The following FBN1 variants were observed in gnomAD, a reference collection of about 807,000 sequenced individuals.
FBN1 encodes fibrillin-1.
In FBN1, 29 loss-of-function variants were observed where a neutral mutation model predicts 365.1. The observed-to-expected ratio is 0.08, with a 90% CI of 0.06 to 0.11. The LOEUF (loss-of-function observed/expected upper bound fraction) is 0.11. FBN1 is among the 10% of genes least tolerant of loss of function. The probability of loss-of-function intolerance (pLI) is 1.00; values close to 1 mark genes in which losing one functional copy is unlikely to be tolerated. For missense variants in FBN1, 2,476 were observed against 3,703.2 expected, an observed-to-expected ratio of 0.67 and a Z score of 8.60; for synonymous variants, 1,210 against 1,270.5, an observed-to-expected ratio of 0.95 and a Z score of 1.01.
At chr15:48,634,712 T>C (rs1338127730) in intron 2 of FBN1, among the ~76,000 whole-genome samples, 2 of 151,788 alleles carry the variant, frequency 1.3e-5, no homozygotes, top group African/African-American at 4.8e-5. Flanking sequence ...CCTATTTTAT[T>C]TGCAGCACAG....
chr15:48,525,964 G>A (rs1174916846), intron 9 of FBN1, among the ~76,000 whole-genome samples, 166 bp downstream of exon 9: 1 of 152,132 alleles, frequency 6.6e-6, no homozygotes, highest in Non-Finnish European at 1.5e-5. Context: ...ACCACAAGGT[G>A]CCTCTGTTCT....
intron 6 of FBN1, among the ~76,000 whole-genome samples, chr15:48,569,746 T>C (rs1206951390): frequency 6.6e-6 from 1 of 152,196 alleles, no homozygotes; most frequent in East Asian, 1.9e-4. Flanking sequence ...AGAAAAGGCA[T>C]ATCTATAGAG....
rs528822556 is a variant in FBN1 at position 48,480,798 on chromosome 15, AT to A, written c.3964+856del. Among the ~76,000 whole-genome samples the A allele has an allele frequency of 1.7e-4, 26 of 152,288 alleles. No homozygotes were observed. In the East Asian group the frequency reaches 5.0e-3, roughly 29 times the overall value. On this transcript the variant is annotated intron_variant, in intron 32 of 65. Coordinates refer to ENST00000316623, the MANE Select transcript of FBN1 (RefSeq NM_000138.5). ...TTTTTGGAATTAAAGACTGTTATTTATTAAGAAATTATTCAGTTACCTAATT... is the reference window on the plus strand; with the variant it reads ...TTTTTGGAATTAAAGACTGTTATTTATAAGAAATTATTCAGTTACCTAATT...
chr15:48,421,310 G>A (rs529368752), intron 62 of FBN1, among the ~76,000 whole-genome samples: 1 of 152,014 alleles, frequency 6.6e-6, no homozygotes, highest in South Asian at 2.1e-4. Flanking sequence ...TTCCCTATTA[G>A]GTTAAATTAA....
intron 13 of FBN1, among the ~76,000 whole-genome samples, chr15:48,510,382 G>C (rs1245566459): frequency 6.6e-6 from 1 of 152,130 alleles, no homozygotes; most frequent in African/African-American, 2.4e-5. Context: ...AATGGCATTA[G>C]ATGTAACTCT....
intron 4 of FBN1, among the ~76,000 whole-genome samples, chr15:48,610,323 TTAAA>T (rs1418683068): frequency 1.3e-5 from 2 of 152,214 alleles, no homozygotes; most frequent in East Asian, 1.9e-4. Context: ...GTCTTGAGTC[TTAAA>T]TAAGTTTTTA....
At chr15:48,522,003 C>T (rs1194315935) in intron 9 of FBN1, among the ~76,000 whole-genome samples, 1 of 152,170 alleles carries the variant, frequency 6.6e-6, no homozygotes, top group Non-Finnish European at 1.5e-5. Context: ...GGCATTACTG[C>T]CTGAGCCCTG....
intron 8 of FBN1, among the ~76,000 whole-genome samples, chr15:48,532,573 G>A (rs918037126): frequency 6.6e-6 from 1 of 151,668 alleles, no homozygotes; most frequent in Non-Finnish European, 1.5e-5. Flanking sequence ...CTAGGAAAGA[G>A]GACAATGTAA....
At chr15:48,445,653 A>C in intron 47 of FBN1, 149 bp from the exon 48 acceptor site, 1 of 769,926 alleles carries the variant, frequency 1.3e-6, no homozygotes, top group Admixed American at 2.1e-5. Flanking sequence ...ATGAAGATCT[A>C]GTTTGCAACA....
At chr15:48,544,218 A>G (rs1471045442) in intron 6 of FBN1, among the ~76,000 whole-genome samples, 1 of 152,108 alleles carries the variant, frequency 6.6e-6, no homozygotes, top group Non-Finnish European at 1.5e-5. Flanking sequence ...AAATGACACA[A>G]TAAGGTTTGA....
intron 8 of FBN1, among the ~76,000 whole-genome samples, chr15:48,532,441 T>C (rs576716874): frequency 2.0e-5 from 3 of 152,252 alleles, no homozygotes; most frequent in South Asian, 2.1e-4. Flanking sequence ...TATATAGATA[T>C]ATGTGTGTCT....
At chr15:48,624,094 G>A (rs1597640224) in intron 2 of FBN1, among the ~76,000 whole-genome samples, 1 of 151,918 alleles carries the variant, frequency 6.6e-6, no homozygotes. Context: ...AATCCTATTG[G>A]AATCTTTTAT....
At chr15:48,473,493 CT>C (rs1351252199) in intron 34 of FBN1, among the ~76,000 whole-genome samples, 1 of 152,082 alleles carries the variant, frequency 6.6e-6, no homozygotes, top group East Asian at 1.9e-4. Flanking sequence ...AATGACAAGT[CT>C]AATCATGTAT....
intron 2 of FBN1, among the ~76,000 whole-genome samples, chr15:48,630,164 A>C (rs12324757): frequency 0.12 from 18,050 of 152,184 alleles, 3,249 homozygotes; most frequent in African/African-American, 0.39. Context: ...GACATGATTC[A>C]TTTTCATAAA....
intron 12 of FBN1, among the ~76,000 whole-genome samples, chr15:48,515,126 C>T (rs2043789857): frequency 6.6e-6 from 1 of 152,186 alleles, no homozygotes; most frequent in Non-Finnish European, 1.5e-5. Flanking sequence ...ACACAGGCAG[C>T]TGCTAGTAGC....
intron 9 of FBN1, among the ~76,000 whole-genome samples, chr15:48,525,758 G>C (rs115712347): frequency 0.012 from 1,843 of 152,302 alleles, 45 homozygotes; most frequent in African/African-American, 0.043. Context: ...CCAATTAAGA[G>C]ATTATTGAAA....
Position 48,503,936 on chromosome 15 carries a change from G to C in FBN1, c.1964C>G (p.Thr655Arg), listed in dbSNP as rs779915218. The C allele has an allele frequency of 6.2e-7, 1 of 1,614,146 alleles. No homozygotes were observed. The highest frequency in any genetic ancestry group is 8.5e-7 in the Non-Finnish European group (1 of 1,180,036). The change falls in exon 17 of 66, where the codon ACA becomes AGA. Residue 655 changes from threonine (T) to arginine (R), a missense_variant. By Grantham distance (71) the Thr-to-Arg change is moderately conservative (BLOSUM62 -1). Coordinates refer to ENST00000316623, the MANE Select transcript of FBN1 (RefSeq NM_000138.5). The stretch of plus-strand genomic sequence containing the variant: ...ACCATAGCATGTGCTCCGCATGTGT[G>C]TGTCTAAACAGGAAGAAGCATCTGT... ...VGLDGRVCVDTHMRSTCYGGY... is the reference protein window; with the variant it reads ...VGLDGRVCVDRHMRSTCYGGY...
In FBN1 at chr15:48,553,301, T is replaced by TA. The variant is rs988020958; in HGVS notation, c.539-15494dup. On this transcript the variant is annotated intron_variant, in intron 6 of 65. Coordinates refer to ENST00000316623, the MANE Select transcript of FBN1 (RefSeq NM_000138.5). ...ATTTGATTGCTTACCATAACAATCA[T>TA]AAAAATATAAACAGAGTGGACACAT... Among the ~76,000 whole-genome samples the TA allele has an allele frequency of 1.9e-4, 29 of 152,252 alleles. No homozygotes were observed. In the South Asian group the frequency reaches 2.1e-3, roughly 11 times the overall value.
At chr15:48,570,416 A>G (rs2044297466) in intron 6 of FBN1, among the ~76,000 whole-genome samples, 1 of 152,056 alleles carries the variant, frequency 6.6e-6, no homozygotes, top group African/African-American at 2.4e-5. Context: ...ACATAAATAC[A>G]CATGCAAAAA....
Sources: gnomAD v4.1 joint callset for allele counts (sites outside exome capture counted in the v4.1 genomes callset) on GRCh38, gnomAD v4.1.1 for gene constraint, MANE v1.5 for transcripts, NCBI Gene and HGNC (gene_info 2026-07-23, HGNC 2026-07-21) for gene names.